Variants in USP37 observed in about 807,000 individuals in gnomAD.
The protein encoded by USP37 is ubiquitin carboxyl-terminal hydrolase 37.
In USP37, 27 loss-of-function variants were observed where a neutral mutation model predicts 124.0. The ratio of observed to expected loss-of-function variants is 0.22; its 90% CI spans 0.16 to 0.30. The LOEUF (loss-of-function observed/expected upper bound fraction) is 0.30. Among genes scored for constraint, USP37 ranks in the 10% least tolerant of loss-of-function variants. The pLI is 1.00. For synonymous variants in USP37, 365 were observed against 388.0 expected (o/e 0.94, Z 0.70); for missense variants, 889 against 1,140.4 (o/e 0.78, Z 3.17).
chr2:218,502,238 G>A (rs539695614), intron 11 of USP37, among the ~76,000 whole-genome samples: 71 of 152,176 alleles, frequency 4.7e-4, no homozygotes, highest in Admixed American at 2.4e-3. Context: ...ATCAAGAATG[G>A]AAAGGAAATC....
chr2:218,502,033 G>A (rs1397313398), intron 11 of USP37, among the ~76,000 whole-genome samples: 3 of 152,110 alleles, frequency 2.0e-5, no homozygotes, highest in Non-Finnish European at 4.4e-5. Context: ...AAGGAACTAT[G>A]CTTTAGGAAA....
chr2:218,547,272 T>C (rs1023791256), intron 6 of USP37, among the ~76,000 whole-genome samples, 181 bp from the exon 7 acceptor site: 1 of 152,112 alleles, frequency 6.6e-6, no homozygotes, highest in Non-Finnish European at 1.5e-5. Flanking sequence ...GAGGTTATAG[T>C]GAGCTACAAC....
intron 3 of USP37, among the ~76,000 whole-genome samples, chr2:218,559,250 G>A (rs1391993189): frequency 6.6e-6 from 1 of 152,128 alleles, no homozygotes; most frequent in East Asian, 1.9e-4. Context: ...GGTCAAGGCT[G>A]CAGTGAGCCA....
At chr2:218,544,548 G>C (rs1174463136) in intron 8 of USP37, among the ~76,000 whole-genome samples, 1 of 151,048 alleles carries the variant, frequency 6.6e-6, no homozygotes, top group Non-Finnish European at 1.5e-5. Context: ...ATATGGCCTT[G>C]ATGAAAAATA....
intron 3 of USP37, among the ~76,000 whole-genome samples, chr2:218,559,912 C>T (rs879889905): frequency 5.3e-5 from 8 of 151,928 alleles, no homozygotes; most frequent in African/African-American, 1.9e-4. Context: ...CCAGGGAGGT[C>T]GAGGCTGCAG....
At chr2:218,551,389 T>C (rs1468114296) in intron 5 of USP37, among the ~76,000 whole-genome samples, 1 of 152,188 alleles carries the variant, frequency 6.6e-6, no homozygotes, top group Non-Finnish European at 1.5e-5. Context: ...ACTTACTGAG[T>C]GCCTAGCATA....
intron 10 of USP37, among the ~76,000 whole-genome samples, chr2:218,521,687 T>C (rs1424092895): frequency 6.6e-6 from 1 of 152,216 alleles, no homozygotes. Flanking sequence ...TTTTTATGCC[T>C]GCAATATTTG....
chr2:218,544,406 A>AAAAAATATATATAT (rs1312705279), intron 8 of USP37, among the ~76,000 whole-genome samples: 1 of 82,994 alleles, frequency 1.2e-5, no homozygotes, highest in African/African-American at 6.9e-5. Flanking sequence ...AAAAAAAAAA[A>AAAAAATATATATAT]ATATATATAT....
At chr2:218,536,485 G>A (rs1481333171) in intron 8 of USP37, among the ~76,000 whole-genome samples, 2 of 152,124 alleles carry the variant, frequency 1.3e-5, no homozygotes, top group African/African-American at 2.4e-5. Flanking sequence ...AAACAAGGCC[G>A]GGCGCTACAG....
chr2:218,567,789 G>T (rs973289085), intron 1 of USP37, among the ~76,000 whole-genome samples: 1 of 152,214 alleles, frequency 6.6e-6, no homozygotes, highest in Non-Finnish European at 1.5e-5. Flanking sequence ...GTGAGGACTG[G>T]TCAAGAGGAA....
At chr2:218,474,504 G>T in intron 20 of USP37, 126 bp downstream of exon 20, 10 of 1,378,328 alleles carry the variant, frequency 7.3e-6, no homozygotes, top group Non-Finnish European at 7.8e-6. Context: ...TGGGATTAGG[G>T]TCACACACCA....
intron 23 of USP37, among the ~76,000 whole-genome samples, chr2:218,459,147 C>T (rs771087697): frequency 2.0e-5 from 3 of 151,104 alleles, no homozygotes; most frequent in African/African-American, 7.3e-5. Flanking sequence ...CAGTGAGGAA[C>T]AACCGTTTTT....
intron 23 of USP37, 71 bp from the exon 24 acceptor site, chr2:218,457,232 AT>A (rs1304827480): frequency 7.7e-6 from 11 of 1,420,942 alleles, no homozygotes; most frequent in Non-Finnish European, 9.8e-6. Flanking sequence ...ATATAAATTT[AT>A]TATCAAAGCT....
rs1288273701 is a variant in USP37 at position 218,452,789 on chromosome 2, T to TTA, written c.*2140_*2141insTA. ...TTTTAATTGCAGCCTGCACTTTAAA[T>TTA]CTTTCCCAATAATTTTTAACAGTGC... On this transcript the variant is annotated 3_prime_UTR_variant, in exon 26 of 26. Transcript: ENST00000258399. The TTA allele has an allele frequency of 6.6e-6, 1 of 152,186 alleles. No individual in the cohort carries two copies. Among genetic ancestry groups the TTA allele is most frequent in the Non-Finnish European group, 1.5e-5 (1 of 68,036 alleles). 9.4% of individuals were successfully genotyped at this position (152,186 alleles called of 1,614,324 possible). A position where few individuals can be genotyped will look rare whatever the true frequency, so the allele number is the denominator to read the frequency against.
At chr2:218,541,406 G>T (rs1228290898) in intron 8 of USP37, among the ~76,000 whole-genome samples, 3 of 152,152 alleles carry the variant, frequency 2.0e-5, no homozygotes, top group African/African-American at 7.2e-5. Flanking sequence ...GTATAAAGGG[G>T]ATTCACTAGG....
chr2:218,559,924 G>T (rs916495358), intron 3 of USP37, among the ~76,000 whole-genome samples: 1 of 152,086 alleles, frequency 6.6e-6, no homozygotes, highest in Non-Finnish European at 1.5e-5. Context: ...AGGCTGCAGT[G>T]AGCCATGATT....
At chr2:218,566,812 G>T (rs1516086) in intron 1 of USP37, among the ~76,000 whole-genome samples, 1 of 151,958 alleles carries the variant, frequency 6.6e-6, no homozygotes, top group African/African-American at 2.4e-5. Flanking sequence ...TGCAAGACAC[G>T]TATTGGAAGT....
intron 15 of USP37, among the ~76,000 whole-genome samples, chr2:218,486,883 G>A (rs1306746087): frequency 2.0e-5 from 3 of 152,002 alleles, no homozygotes; most frequent in South Asian, 4.2e-4. Context: ...CCGCCACCAC[G>A]CCCAGCTAAT....
chr2:218,528,027 C>G (rs1238074481), intron 10 of USP37, among the ~76,000 whole-genome samples: 2 of 151,938 alleles, frequency 1.3e-5, no homozygotes, highest in African/African-American at 4.8e-5. Flanking sequence ...ACAGTGAAAC[C>G]CCGTCTCCAC....
Sources: allele counts gnomAD v4.1 joint callset (sites outside exome capture counted in the v4.1 genomes callset), GRCh38; gene constraint gnomAD v4.1.1; transcripts MANE v1.5; gene names NCBI Gene and HGNC (gene_info 2026-07-23, HGNC 2026-07-21).